The following SHISAL2A variants were observed in gnomAD, a reference collection of about 807,000 sequenced individuals.
SHISAL2A encodes shisa like 2A, also known as protein shisa-like-2A.
Under a neutral mutation model 11.5 loss-of-function variants are expected in SHISAL2A, and 18 were observed. The ratio of observed to expected loss-of-function variants is 1.57; its 90% CI spans 1.08 to 2.33. SHISAL2A has a LOEUF of 2.33. Ranked by LOEUF, SHISAL2A falls within the 30% of genes most tolerant of loss-of-function variation. The pLI, the probability that SHISAL2A is intolerant of heterozygous loss-of-function variation, is 0.00. For missense variants in SHISAL2A, 261 were observed against 250.9 expected (o/e 1.04, Z -0.27); for synonymous variants, 94 against 99.6 (o/e 0.94, Z 0.34).
At chr1:52,645,029 A>G (rs938904325) in intron 2 of SHISAL2A, among the ~76,000 whole-genome samples, 1 of 151,890 alleles carries the variant, frequency 6.6e-6, no homozygotes, top group African/African-American at 2.4e-5. Flanking sequence ...AAAAAAAAAA[A>G]AAAAAGAAGA....
chr1:52,632,899 C>T (rs1336615656), upstream of SHISAL2A, among the ~76,000 whole-genome samples: 1 of 152,164 alleles, frequency 6.6e-6, no homozygotes, highest in Non-Finnish European at 1.5e-5. Context: ...CGAACATCCC[C>T]GGGCCCCTGG....
rs372596315 is a variant in SHISAL2A, at chr1:52,641,061, G to T, written c.183-1802G>T. Among the ~76,000 whole-genome samples the T allele has an allele frequency of 9.2e-5, 14 of 152,302 alleles. No individual in the cohort carries two copies. The South Asian group carries it at 2.5e-3, about 27-fold the overall frequency. The stretch of plus-strand genomic sequence containing the variant: ...CTGAACACGTGGAGGTCCCTGGAGG[G>T]TTGTGTGATTGGAGACCAGATGGAA... On this transcript the variant is annotated intron_variant, in intron 1 of 2. Coordinates refer to ENST00000517870, the MANE Select transcript of SHISAL2A (RefSeq NM_001042693.3).
chr1:52,654,804 A>T (rs1461237420), intron 2 of SHISAL2A, among the ~76,000 whole-genome samples: 2 of 152,254 alleles, frequency 1.3e-5, no homozygotes, highest in African/African-American at 4.8e-5. Flanking sequence ...ATCAAAGTTC[A>T]AAATTTTAAT....
At chr1:52,650,891 C>T (rs1459832490) in intron 2 of SHISAL2A, among the ~76,000 whole-genome samples, 1 of 151,612 alleles carries the variant, frequency 6.6e-6, no homozygotes, top group Non-Finnish European at 1.5e-5. Context: ...GTGATCCACC[C>T]GTCTCAGCCT....
downstream of SHISAL2A, among the ~76,000 whole-genome samples, chr1:52,660,423 G>C (rs1487208027): frequency 2.0e-5 from 3 of 152,166 alleles, no homozygotes; most frequent in African/African-American, 7.2e-5. Flanking sequence ...TGCCCACCCT[G>C]TGTGATAGGA....
At chr1:52,654,224 T>TATAGATAGATAGATAGATAGATAGATAG in intron 2 of SHISAL2A, among the ~76,000 whole-genome samples, 1 of 147,788 alleles carries the variant, frequency 6.8e-6, no homozygotes, top group East Asian at 2.0e-4. Context: ...ATGGCAGTTT[T>TATAGATAGATAGATAGATAGATAGATAG]ATAGATAGAT....
chr1:52,659,823 A>G (rs1247641071), downstream of SHISAL2A, among the ~76,000 whole-genome samples: 2 of 152,204 alleles, frequency 1.3e-5, no homozygotes, highest in African/African-American at 4.8e-5. Flanking sequence ...CTTTTCTCTG[A>G]ACACTTTCAA....
At chr1:52,644,296 G>A (rs1014075876) in intron 2 of SHISAL2A, among the ~76,000 whole-genome samples, 2 of 152,244 alleles carry the variant, frequency 1.3e-5, no homozygotes, top group Non-Finnish European at 2.9e-5. Flanking sequence ...GGCTGTCCCA[G>A]CATAGGGTAA....
Position 52,633,732 on chromosome 1 carries a change from C to T in SHISAL2A, c.182+57C>T, listed in dbSNP as rs555438382. 2.7e-6 allele frequency: 4 copies of T among 1,457,678 alleles called. No homozygotes were observed. The African/African-American group carries it at 5.8e-5, about 21-fold the overall frequency. 90.3% of individuals were successfully genotyped at this position (1,457,678 alleles called of 1,614,324 possible). On this transcript the variant is annotated intron_variant, in intron 1 of 2. Transcript: ENST00000517870. This position sits in a 1 kb window ranked among gnomAD's most constrained non-coding sequence, Gnocchi z 6.4. ...CCCCACTCCAGTCTCAGCGCCTTCA[C>T]CCCAGCCTCAGCCCCCACCCGAGTG...
chr1:52,642,225 C>T (rs916692952), intron 1 of SHISAL2A, among the ~76,000 whole-genome samples: 6 of 152,108 alleles, frequency 3.9e-5, no homozygotes, highest in South Asian at 2.1e-4. Flanking sequence ...AGACCATCTC[C>T]AGGTCCCTGG....
chr1:52,634,572 T>A (rs1691200040), intron 1 of SHISAL2A, among the ~76,000 whole-genome samples: 1 of 152,230 alleles, frequency 6.6e-6, no homozygotes, highest in African/African-American at 2.4e-5. Context: ...GTTGCATTCC[T>A]GGAGCCTAAG....
chr1:52,658,645 A>G (rs1315777045), downstream of SHISAL2A, among the ~76,000 whole-genome samples: 1 of 152,228 alleles, frequency 6.6e-6, no homozygotes, highest in Non-Finnish European at 1.5e-5. Flanking sequence ...TGTGTTAGCT[A>G]TTATTATTAT....
At chr1:52,641,671 T>C (rs955008748) in intron 1 of SHISAL2A, among the ~76,000 whole-genome samples, 6 of 152,268 alleles carry the variant, frequency 3.9e-5, no homozygotes, top group African/African-American at 1.4e-4. Flanking sequence ...CTGGGCACGG[T>C]TGGCTCATGC....
Position 52,633,601 on chromosome 1 carries a change from C to G in SHISAL2A, c.108C>G (p.Phe36Leu), listed in dbSNP as rs745335522. The part of the protein sequence containing the change: ...GEAAAVFCCG[F>L]RDHKYCCDDP... ...CGGCCGCTGTCTTCTGCTGCGGCTT[C>G]CGCGACCACAAGTACTGCTGCGACG... Residue 36 changes from phenylalanine (F) to leucine (L), a missense_variant, in exon 1 of 3, where the codon TTC becomes TTG. Phe to Leu is a conservative substitution (Grantham distance 22). Coordinates refer to ENST00000517870, the MANE Select transcript of SHISAL2A (RefSeq NM_001042693.3). The surrounding 1 kb of genome is among the most constrained non-coding windows in gnomAD (Gnocchi z 6.4). 2.9e-5 allele frequency: 46 copies of G among 1,612,462 alleles called. 1 individual carries two copies. In the Middle Eastern group the frequency reaches 8.2e-4, roughly 29 times the overall value.
At position 52,633,839 on chromosome 1, in the gene SHISAL2A, A is replaced by C. The variant is rs2149870056; in HGVS notation, c.182+164A>C. On this transcript the variant is annotated intron_variant, in intron 1 of 2. Transcript: ENST00000517870. The surrounding 1 kb of genome is among the most constrained non-coding windows in gnomAD (Gnocchi z 6.4). ...CAACCACCCCGTGAAACCCCATCTC[A>C]GCTCGATTTCCTCATCCTGACCCCA... 6.6e-6 allele frequency among the ~76,000 whole-genome samples: 1 copy of C among 151,708 alleles called. No homozygotes were observed. Among genetic ancestry groups the C allele is most frequent in the East Asian group, 1.9e-4 (1 of 5,130 alleles).
chr1:52,659,202 C>A (rs1339657419), downstream of SHISAL2A, among the ~76,000 whole-genome samples: 1 of 152,048 alleles, frequency 6.6e-6, no homozygotes, highest in Non-Finnish European at 1.5e-5. Flanking sequence ...GCAACTGTGA[C>A]TACAGGTGCG....
At position 52,650,387 on chromosome 1, in the gene SHISAL2A, T is replaced by C. The variant is rs563943416; in HGVS notation, c.323-6403T>C. On this transcript the variant is annotated intron_variant, in intron 2 of 2. Transcript: ENST00000517870. ...GATGCCAGAAAACCTAGTTCTAATC[T>C]TGGCCTTGCTGCTGTCAGTGTGTGG... Among the ~76,000 whole-genome samples, 6 of 152,316 alleles carry C rather than the reference T, an allele frequency of 3.9e-5. No individual in the cohort carries two copies. The East Asian group carries it at 1.2e-3, about 29-fold the overall frequency.
At chr1:52,655,316 A>G (rs1691766170) in intron 2 of SHISAL2A, among the ~76,000 whole-genome samples, 2 of 151,824 alleles carry the variant, frequency 1.3e-5, no homozygotes, top group Non-Finnish European at 2.9e-5. Context: ...CAAACAGAGA[A>G]CAATCTATGT....
At position 52,656,831 on chromosome 1, in the gene SHISAL2A, G is replaced by A. The variant is rs1471918333; in HGVS notation, c.364G>A (p.Gly122Ser). Residue 122 changes from glycine to serine, a missense_variant, in exon 3 of 3, where the codon GGC (glycine) becomes AGC (serine). Physicochemically the swap from Gly to Ser is moderately conservative, Grantham distance 56. Transcript: ENST00000517870. ...VSPDCQGVNT[G>S]MAAEVPKVSP... ...TCCTGACTGCCAAGGTGTGAACACA[G>A]GCATGGCGGCAGAAGTGCCAAAAGT... 1 of 1,613,884 alleles carries A rather than the reference G, an allele frequency of 6.2e-7. No individual in the cohort carries two copies. Among genetic ancestry groups the A allele is most frequent in the Admixed American group, 1.7e-5 (1 of 59,976 alleles).
Sources: allele counts gnomAD v4.1 joint callset (sites outside exome capture counted in the v4.1 genomes callset), GRCh38; gene constraint gnomAD v4.1.1; non-coding constraint Gnocchi (gnomAD v3.1); transcripts MANE v1.5; gene names NCBI Gene and HGNC (gene_info 2026-07-23, HGNC 2026-07-21).